CLEC2A: variants seen among roughly 807,000 people sequenced by gnomAD.
The protein encoded by CLEC2A is keratinocyte-associated C-type lectin.
CLEC2A carries 19 observed loss-of-function variants against 18.6 expected under a neutral mutation model. The observed-to-expected ratio is 1.02, with a 90% CI of 0.71 to 1.50. CLEC2A has a LOEUF of 1.50. CLEC2A is among the 40% of genes most tolerant of loss of function. The pLI is 0.00. For missense variants in CLEC2A, 190 were observed against 207.9 expected (o/e 0.91, Z 0.53); for synonymous variants, 74 against 64.0 (o/e 1.16, Z -0.75).
At chr12:9,903,664 A>T (rs1862866490) in intron 4 of CLEC2A, among the ~76,000 whole-genome samples, 2 of 152,188 alleles carry the variant, frequency 1.3e-5, no homozygotes, top group Non-Finnish European at 2.9e-5. Flanking sequence ...GTGGGTCCTA[A>T]CTGTTTAGCT....
chr12:9,907,583 C>T (rs944727190), intron 4 of CLEC2A, among the ~76,000 whole-genome samples: 2 of 152,126 alleles, frequency 1.3e-5, no homozygotes, highest in African/African-American at 4.8e-5. Flanking sequence ...ACTCATAGTC[C>T]TTCCCCTTGT....
chr12:9,908,050 A>G (rs7959032), intron 4 of CLEC2A, among the ~76,000 whole-genome samples: 226 of 152,328 alleles, frequency 1.5e-3, no homozygotes, highest in African/African-American at 5.3e-3. Flanking sequence ...GTGTTAAAAG[A>G]GGACATGCAG....
At chr12:9,923,179 TCCA>T in intron 2 of CLEC2A, among the ~76,000 whole-genome samples, 1 of 152,090 alleles carries the variant, frequency 6.6e-6, no homozygotes, top group Non-Finnish European at 1.5e-5. Context: ...TTGCAATCTA[TCCA>T]TTTGACAAAG....
chr12:9,890,354 C>T, the CLEC2A span, among the ~76,000 whole-genome samples: 1 of 152,200 alleles, frequency 6.6e-6, no homozygotes. Context: ...GTCTCACAGG[C>T]AATGCAGTGT....
downstream of CLEC2A, among the ~76,000 whole-genome samples, chr12:9,894,284 C>A (rs1862728610): frequency 6.6e-6 from 1 of 151,748 alleles, no homozygotes; most frequent in East Asian, 1.9e-4. Flanking sequence ...TGGGCTCAAG[C>A]AACTCTCCCA....
At chr12:9,899,694 CTA>C (rs1862799722) in intron 4 of CLEC2A, among the ~76,000 whole-genome samples, 1 of 152,182 alleles carries the variant, frequency 6.6e-6, no homozygotes, top group Non-Finnish European at 1.5e-5. Flanking sequence ...CCACTCTAAC[CTA>C]TGTCTCTTTC....
intron 3 of CLEC2A, among the ~76,000 whole-genome samples, chr12:9,917,919 TTA>T (rs1468866041): frequency 1.3e-5 from 2 of 152,194 alleles, no homozygotes; most frequent in African/African-American, 4.8e-5. Flanking sequence ...AAGGGTCTCT[TTA>T]TGCCCTTTGC....
chr12:9,932,042 C>T (rs1475448669), intron 1 of CLEC2A, among the ~76,000 whole-genome samples: 1 of 152,140 alleles, frequency 6.6e-6, no homozygotes, highest in Admixed American at 6.5e-5. Context: ...ATATAATACA[C>T]GTACCATAAA....
chr12:9,908,921 T>C (rs540872552), downstream of CLEC2A, among the ~76,000 whole-genome samples: 83 of 152,308 alleles, frequency 5.4e-4, no homozygotes, highest in African/African-American at 1.9e-3. Flanking sequence ...CCCCTGTTGA[T>C]AGGTGGATAG....
chr12:9,895,492 C>T (rs1862746600), downstream of CLEC2A, among the ~76,000 whole-genome samples: 1 of 152,182 alleles, frequency 6.6e-6, no homozygotes, highest in African/African-American at 2.4e-5. Context: ...TCTAGTGTAG[C>T]TCAAGCTTGC....
At chr12:9,888,489 CA>C in the CLEC2A span, among the ~76,000 whole-genome samples, 7 of 142,204 alleles carry the variant, frequency 4.9e-5, no homozygotes, top group South Asian at 2.2e-4. Flanking sequence ...GACTCTGTCT[CA>C]AAAAAAAAAT....
At chr12:9,897,087 T>A (rs370971043), downstream of CLEC2A, among the ~76,000 whole-genome samples, 92 of 152,240 alleles carry the variant, frequency 6.0e-4, no homozygotes, top group African/African-American at 2.1e-3. Context: ...CTCGAACTCC[T>A]GACCTCAAGT....
chr12:9,880,580 G>T, the CLEC2A span, among the ~76,000 whole-genome samples: 5 of 152,050 alleles, frequency 3.3e-5, no homozygotes, highest in African/African-American at 1.2e-4. Context: ...AATAAGGAAT[G>T]TGATTATGGA....
intron 2 of CLEC2A, among the ~76,000 whole-genome samples, chr12:9,922,926 A>G (rs2137047986): frequency 6.6e-6 from 1 of 152,256 alleles, no homozygotes; most frequent in East Asian, 1.9e-4. Flanking sequence ...ATGATTTATT[A>G]TTATTATTAT....
chr12:9,917,294 T>G (rs1863088235), intron 3 of CLEC2A, among the ~76,000 whole-genome samples: 1 of 152,186 alleles, frequency 6.6e-6, no homozygotes. Flanking sequence ...TGAAGGTTTG[T>G]TTTACAGATT....
At chr12:9,888,213 G>C in the CLEC2A span, among the ~76,000 whole-genome samples, 1 of 151,704 alleles carries the variant, frequency 6.6e-6, no homozygotes, top group African/African-American at 2.4e-5. Context: ...ATTGCAGGCC[G>C]GGCATGGTGG....
intron 1 of CLEC2A, among the ~76,000 whole-genome samples, chr12:9,926,600 G>C (rs1863276579): frequency 6.6e-6 from 1 of 152,120 alleles, no homozygotes; most frequent in African/African-American, 2.4e-5. Flanking sequence ...GGAAGGAAAG[G>C]AAAGGAAAGT....
chr12:9,914,593 G>C (rs1011193493), intron 4 of CLEC2A, among the ~76,000 whole-genome samples: 7 of 152,072 alleles, frequency 4.6e-5, no homozygotes, highest in African/African-American at 1.7e-4. Context: ...TGACAAACCT[G>C]ACAAAAACAA....
chr12:9,929,216 T>C (rs1863330795), intron 1 of CLEC2A, among the ~76,000 whole-genome samples: 1 of 152,210 alleles, frequency 6.6e-6, no homozygotes, highest in Admixed American at 6.5e-5. Context: ...ATATTGCAGA[T>C]ACAACTCTTC....
Sources: gnomAD v4.1 joint callset for allele counts (sites outside exome capture counted in the v4.1 genomes callset) on GRCh38, gnomAD v4.1.1 for gene constraint, MANE v1.5 for transcripts, NCBI Gene and HGNC (gene_info 2026-07-23, HGNC 2026-07-21) for gene names.